FARP2: variants seen among roughly 807,000 people sequenced by gnomAD.
FARP2 encodes FERM, ARH/RhoGEF and pleckstrin domain protein 2, also known as FERM, ARHGEF and pleckstrin domain-containing protein 2.
Under a neutral mutation model 130.5 loss-of-function variants are expected in FARP2, and 111 were observed. The observed-to-expected ratio is 0.85, with a 90% CI of 0.73 to 1.00. The LOEUF (loss-of-function observed/expected upper bound fraction) is 1.00, where lower values mean the gene tolerates loss of function less well. Among genes scored for constraint, FARP2 ranks in the 50% least tolerant of loss-of-function variants. The probability of loss-of-function intolerance (pLI) is 0.00; values close to 1 mark genes in which losing one functional copy is unlikely to be tolerated. For missense variants in FARP2, 1,385 were observed against 1,346.3 expected (o/e 1.03, Z -0.45); for synonymous variants, 504 against 516.9 (o/e 0.98, Z 0.34).
intron 7 of FARP2, among the ~76,000 whole-genome samples, chr2:241,413,714 A>C (rs911676087): frequency 7.2e-5 from 11 of 152,196 alleles, no homozygotes; most frequent in African/African-American, 2.7e-4. Flanking sequence ...AGGCTGAGGC[A>C]GGTGGATTGC....
intron 20 of FARP2, 147 bp downstream of exon 20, chr2:241,483,680 C>A: frequency 8.0e-7 from 1 of 1,248,430 alleles, no homozygotes; most frequent in Non-Finnish European, 1.1e-6. Context: ...GCGTTGGAGT[C>A]AGACAGGGCC....
At chr2:241,417,642 A>AT (rs34385857) in intron 7 of FARP2, among the ~76,000 whole-genome samples, 110,606 of 152,092 alleles carry the variant, frequency 0.73, 40,915 homozygotes, top group Middle Eastern at 0.84. Context: ...GTTTCTTCTG[A>AT]TTAAAATTTG....
intron 17 of FARP2, chr2:241,465,783 C>T (rs1412634505): frequency 3.2e-6 from 5 of 1,550,412 alleles, no homozygotes; most frequent in South Asian, 2.4e-5. Context: ...CTCCATCCCT[C>T]GCCTGTCCCA....
rs1343403867 is a variant in FARP2 at position 241,491,608 on chromosome 2, A to G, written c.2716A>G (p.Asn906Asp). 2 of 1,613,798 alleles carry G rather than the reference A, an allele frequency of 1.2e-6. No homozygotes were observed. The highest frequency in any genetic ancestry group is 8.5e-7 in the Non-Finnish European group (1 of 1,179,996). The stretch of plus-strand genomic sequence containing the variant: ...GGAGGGGCATGGCCAGCACCGGGCC[A>G]ACACCACAATGCACGTGTGCTGGTA... ...SLEGHGQHRA[N>D]TTMHVCWYRN... The change falls in exon 24 of 27, where the codon AAC becomes GAC. Residue 906 changes from asparagine (N) to aspartate (D), a missense_variant. By Grantham distance (23) the Asn-to-Asp change is conservative. Transcript: ENST00000264042.
At chr2:241,491,446 A>G (rs1395668622) in intron 23 of FARP2, 70 bp from the exon 24 acceptor site, 10 of 1,548,894 alleles carry the variant, frequency 6.5e-6, no homozygotes, top group Non-Finnish European at 8.8e-6. Context: ...GAGGAACCCA[A>G]GGGGTGGAAG....
intron 12 of FARP2, among the ~76,000 whole-genome samples, chr2:241,437,669 T>A (rs1202148186): frequency 2.8e-5 from 4 of 143,258 alleles, no homozygotes; most frequent in South Asian, 2.2e-4. Flanking sequence ...TTTATTTATT[T>A]ATTTTTTTTT....
At chr2:241,476,383 C>G (rs1383885143) in intron 19 of FARP2, among the ~76,000 whole-genome samples, 1 of 151,386 alleles carries the variant, frequency 6.6e-6, no homozygotes, top group African/African-American at 2.4e-5. Context: ...AAGACCCTGT[C>G]TCTGTTAAAA....
At position 241,475,909 on chromosome 2, in the gene FARP2, C is replaced by G; in HGVS notation, c.2184C>G (p.Ile728Met). 2 of 1,613,994 alleles carry G rather than the reference C, an allele frequency of 1.2e-6. No individual in the cohort carries two copies. The highest frequency in any genetic ancestry group is 1.7e-6 in the Non-Finnish European group (2 of 1,179,902). The stretch of plus-strand genomic sequence containing the variant: ...CCACCACACTACAGCACATTCTCAT[C>G]CGGCTGGAGAACCTGCAGAAGCTAA... ...EVTTTLQHILIRLENLQKLTE... is the reference protein window; with the variant it reads ...EVTTTLQHILMRLENLQKLTE... Residue 728 changes from isoleucine (I) to methionine (M), a missense_variant, in exon 19 of 27, where the codon ATC becomes ATG. Transcript: ENST00000264042. The surrounding 1 kb of genome is among the most constrained non-coding windows in gnomAD (Gnocchi z 4.4).
chr2:241,415,410 G>A (rs557843628), intron 7 of FARP2, among the ~76,000 whole-genome samples: 6 of 152,312 alleles, frequency 3.9e-5, no homozygotes, highest in East Asian at 1.9e-4. Context: ...TAGGGTTGGG[G>A]ATAGTCTCTC....
intron 1 of FARP2, among the ~76,000 whole-genome samples, chr2:241,360,661 G>T (rs62193199): frequency 0.12 from 16,388 of 141,228 alleles, 1,144 homozygotes; most frequent in Admixed American, 0.16. Flanking sequence ...GTGACAGAGC[G>T]AGACTCTGTC....
intron 13 of FARP2, among the ~76,000 whole-genome samples, chr2:241,453,544 C>A (rs1230924872): frequency 6.6e-6 from 1 of 151,618 alleles, no homozygotes; most frequent in Non-Finnish European, 1.5e-5. Flanking sequence ...ATGGCATGAA[C>A]CTGGGAGGCG....
At chr2:241,398,995 CAA>C (rs1400720224) in intron 2 of FARP2, among the ~76,000 whole-genome samples, 2 of 152,108 alleles carry the variant, frequency 1.3e-5, no homozygotes, top group African/African-American at 4.8e-5. Context: ...GTCAGTTTTC[CAA>C]AGAGATAATA....
intron 8 of FARP2, among the ~76,000 whole-genome samples, chr2:241,424,723 T>C (rs1271054615): frequency 6.6e-6 from 1 of 151,940 alleles, no homozygotes; most frequent in Non-Finnish European, 1.5e-5. Flanking sequence ...GTAAAGAAGA[T>C]AATAGAGAAT....
At chr2:241,364,229 G>A (rs1395402214) in intron 1 of FARP2, among the ~76,000 whole-genome samples, 1 of 152,194 alleles carries the variant, frequency 6.6e-6, no homozygotes, top group Non-Finnish European at 1.5e-5. Flanking sequence ...TAACATTTCT[G>A]GCATGGAAGA....
At chr2:241,402,836 TTATATATATA>T (rs1215612816) in intron 2 of FARP2, among the ~76,000 whole-genome samples, 113 of 16,814 alleles carry the variant, frequency 6.7e-3, no homozygotes, top group South Asian at 0.017. Flanking sequence ...CCCAGCTAAT[TTATATATATA>T]TATATATATA....
At position 241,475,924 on chromosome 2, in the gene FARP2, G is replaced by A; in HGVS notation, c.2199G>A (p.Leu733=). 1 of 1,614,064 alleles carries A rather than the reference G, an allele frequency of 6.2e-7. No homozygotes were observed. The highest frequency in any genetic ancestry group is 8.5e-7 in the Non-Finnish European group (1 of 1,179,930). ...ACATTCTCATCCGGCTGGAGAACCT[G>A]CAGAAGCTAACGGAGCTGCAGCGGG... ...LQHILIRLEN[L]QKLTELQRDL... Residue 733 remains leucine, a synonymous_variant, in exon 19 of 27, where the codon CTG becomes CTA. Transcript: ENST00000264042. The surrounding 1 kb of genome is among the most constrained non-coding windows in gnomAD (Gnocchi z 4.4).
At position 241,394,125 on chromosome 2, in the gene FARP2, T is replaced by G. The variant is rs570761604; in HGVS notation, c.184-9703T>G. On this transcript the variant is annotated intron_variant, in intron 2 of 26. Transcript: ENST00000264042. The stretch of plus-strand genomic sequence containing the variant: ...TGTTTCATCTGATCATTTGGTACTT[T>G]GGGAACATGCAGTGATTATTGTAGT... Among the ~76,000 whole-genome samples, 7 of 152,318 alleles carry G rather than the reference T, an allele frequency of 4.6e-5. No individual in the cohort carries two copies. In the South Asian group the frequency reaches 1.4e-3, roughly 32 times the overall value.
intron 13 of FARP2, among the ~76,000 whole-genome samples, chr2:241,454,243 A>C (rs2302013): frequency 0.033 from 5,085 of 152,096 alleles, 503 homozygotes; most frequent in Admixed American, 0.19. Context: ...ATTTTGCAGC[A>C]ACTTTTTGGT....
chr2:241,378,870 GT>G (rs531641422), intron 2 of FARP2, among the ~76,000 whole-genome samples: 1 of 152,162 alleles, frequency 6.6e-6, no homozygotes. Flanking sequence ...TCAGTGACTA[GT>G]TTTTTTATCT....
Sources: gnomAD v4.1 joint callset for allele counts (sites outside exome capture counted in the v4.1 genomes callset) on GRCh38, gnomAD v4.1.1 for gene constraint, Gnocchi (gnomAD v3.1) non-coding constraint, MANE v1.5 for transcripts, NCBI Gene and HGNC (gene_info 2026-07-23, HGNC 2026-07-21) for gene names.